The following AP3B2 variants were observed in gnomAD, a reference collection of about 807,000 sequenced individuals.
The protein encoded by AP3B2 is AP-3 complex subunit beta-2.
In AP3B2, 50 loss-of-function variants were observed where a neutral mutation model predicts 126.9. That is an observed-to-expected ratio of 0.39 (90% CI 0.31 to 0.50). The LOEUF (loss-of-function observed/expected upper bound fraction) is 0.50. Among genes scored for constraint, AP3B2 ranks in the 20% least tolerant of loss-of-function variants. AP3B2 has a pLI of 0.79. For missense variants in AP3B2, 1,177 were observed against 1,426.4 expected (o/e 0.83, Z 2.82); for synonymous variants, 541 against 565.0 (o/e 0.96, Z 0.60).
intron 23 of AP3B2, 77 bp from the exon 24 acceptor site, chr15:82,662,329 A>G: frequency 1.8e-6 from 2 of 1,123,934 alleles, no homozygotes; most frequent in Admixed American, 2.0e-5. Flanking sequence ...GCCTAGCCCT[A>G]CTCTCCTCTC....
At chr15:82,703,132 G>A (rs2048744954) in intron 1 of AP3B2, among the ~76,000 whole-genome samples, 1 of 152,174 alleles carries the variant, frequency 6.6e-6, no homozygotes, top group African/African-American at 2.4e-5. Context: ...TTCCCTTGGT[G>A]TTTAATCACT....
intron 1 of AP3B2, among the ~76,000 whole-genome samples, 178 bp downstream of exon 1, chr15:82,709,416 G>A (rs952928641): frequency 2.0e-5 from 3 of 151,234 alleles, no homozygotes; most frequent in African/African-American, 7.3e-5. Flanking sequence ...GAGCCGGGGT[G>A]CCAGCGCTGC....
intron 1 of AP3B2, among the ~76,000 whole-genome samples, chr15:82,696,082 A>G (rs2048625139): frequency 6.6e-6 from 1 of 151,978 alleles, no homozygotes; most frequent in African/African-American, 2.4e-5. Flanking sequence ...CCTATATCCA[A>G]ATTTCCTCTT....
chr15:82,696,706 C>T (rs1328428846), intron 1 of AP3B2, among the ~76,000 whole-genome samples: 1 of 152,238 alleles, frequency 6.6e-6, no homozygotes, highest in Admixed American at 6.5e-5. Context: ...AGCTGTTGCT[C>T]CCCATTCTGT....
At chr15:82,663,048 C>G (rs569646880) in intron 22 of AP3B2, 79 bp downstream of exon 22, 3 of 1,484,082 alleles carry the variant, frequency 2.0e-6, no homozygotes, top group Non-Finnish European at 1.8e-6. Context: ...CACCCACCCC[C>G]CACACACATC....
chr15:82,709,743 CG>C lies in AP3B2; in HGVS notation c.-38del. 7.0e-7 allele frequency: 1 copy of C among 1,428,424 alleles called. No individual in the cohort carries two copies. The highest frequency in any genetic ancestry group is 1.3e-5 in the South Asian group (1 of 74,456). The allele number at this position is 1,428,424 out of a possible 1,614,324, so 88.5% of individuals were successfully genotyped here. A position where few individuals can be genotyped will look rare whatever the true frequency, so the allele number is the denominator to read the frequency against. Reference sequence around the variant, plus strand: ...GGAGACTTCGCCGAGGAGGAGGTTGCGGGGCCGGAGGCCGGCTGGAGCGGAG... The same window carrying C: ...GGAGACTTCGCCGAGGAGGAGGTTGCGGGCCGGAGGCCGGCTGGAGCGGAG... On this transcript the variant is annotated 5_prime_UTR_variant, in exon 1 of 27. Coordinates refer to ENST00000535359, the MANE Select transcript of AP3B2 (RefSeq NM_001278512.2).
Position 82,681,669 on chromosome 15 carries a change from C to A in AP3B2, c.361-89G>T, listed in dbSNP as rs989850135. On this transcript the variant is annotated intron_variant, in intron 4 of 26. Coordinates refer to ENST00000535359, the MANE Select transcript of AP3B2 (RefSeq NM_001278512.2). This position sits in a 1 kb window ranked among gnomAD's most constrained non-coding sequence, Gnocchi z 4.0. ...CACCTTTGGAAGTCACTGTCCCCAGCGACCACTAGCTCTTGCTTCCCTGCC... is the reference window on the plus strand; with the variant it reads ...CACCTTTGGAAGTCACTGTCCCCAGAGACCACTAGCTCTTGCTTCCCTGCC... 1.4e-6 allele frequency: 2 copies of A among 1,389,462 alleles called. No homozygotes were observed. Among genetic ancestry groups the A allele is most frequent in the Admixed American group, 2.1e-5 (1 of 48,070 alleles). The allele number at this position is 1,389,462 out of a possible 1,614,324, so 86.1% of individuals were successfully genotyped here.
Position 82,664,049 on chromosome 15 carries a change from G to T in AP3B2, c.2262-74C>A, listed in dbSNP as rs1415462149. The T allele has an allele frequency of 1.3e-6, 2 of 1,517,316 alleles. No homozygotes were observed. The highest frequency in any genetic ancestry group is 1.8e-6 in the Non-Finnish European group (2 of 1,135,542). The allele number at this position is 1,517,316 out of a possible 1,614,324, so 94.0% of individuals were successfully genotyped here. A position where few individuals can be genotyped will look rare whatever the true frequency, so the allele number is the denominator to read the frequency against. On this transcript the variant is annotated intron_variant, in intron 19 of 26. Coordinates refer to ENST00000535359, the MANE Select transcript of AP3B2 (RefSeq NM_001278512.2). The surrounding 1 kb of genome is among the most constrained non-coding windows in gnomAD (Gnocchi z 4.5). ...CTTGCTTCACAGAAGCAGGAGAAATGCTGAAAAGCTGGAGTGGTGTGGGGA... is the reference window on the plus strand; with the variant it reads ...CTTGCTTCACAGAAGCAGGAGAAATTCTGAAAAGCTGGAGTGGTGTGGGGA...
At chr15:82,679,861 G>C in intron 9 of AP3B2, 61 bp from the exon 10 acceptor site, 1 of 1,472,206 alleles carries the variant, frequency 6.8e-7, no homozygotes, top group Non-Finnish European at 9.5e-7. Context: ...TCGCTGCCCA[G>C]AGACACCCCT....
chr15:82,667,538 G>A (rs1196383183), intron 14 of AP3B2, among the ~76,000 whole-genome samples: 2 of 152,204 alleles, frequency 1.3e-5, no homozygotes, highest in African/African-American at 2.4e-5. Flanking sequence ...GTCATGTAGG[G>A]TTCACAGTCT....
chr15:82,705,516 T>C (rs1596200743), intron 1 of AP3B2, among the ~76,000 whole-genome samples: 1 of 152,164 alleles, frequency 6.6e-6, no homozygotes, highest in South Asian at 2.1e-4. Context: ...ACATGCTTTC[T>C]TTACTATTCA....
Position 82,662,182 on chromosome 15 carries a change from G to A in AP3B2, c.2904C>T (p.Ala968=), listed in dbSNP as rs1373410579. 23 of 1,601,308 alleles carry A rather than the reference G, an allele frequency of 1.4e-5. No individual in the cohort carries two copies. The highest frequency in any genetic ancestry group is 2.0e-5 in the Non-Finnish European group (23 of 1,173,812). Reference sequence around the variant, plus strand: ...TGGGCACATACCACAGCTGGAAGTTGGCTGCCTGGGTTGAGTCACAGAAAT... The same window carrying A: ...TGGGCACATACCACAGCTGGAAGTTAGCTGCCTGGGTTGAGTCACAGAAAT... ...GINFCDSTQA[A]NFQLCTQTRQ... The change falls in exon 24 of 27, where the codon GCC becomes GCT. Residue 968 remains alanine, a synonymous_variant. Coordinates refer to ENST00000535359, the MANE Select transcript of AP3B2 (RefSeq NM_001278512.2).
At chr15:82,675,236 C>G (rs1444073575) in intron 14 of AP3B2, among the ~76,000 whole-genome samples, 1 of 152,236 alleles carries the variant, frequency 6.6e-6, no homozygotes, top group African/African-American at 2.4e-5. Context: ...CAGTGTCTCT[C>G]CTCCTTCCAC....
In AP3B2 at chr15:82,663,900, A is replaced by G; in HGVS notation, c.2337T>C (p.Ser779=). 1 of 1,613,368 alleles carries G rather than the reference A, an allele frequency of 6.2e-7. No homozygotes were observed. The highest frequency in any genetic ancestry group is 1.3e-5 in the African/African-American group (1 of 75,056). ...VPERKGEASS[S]DEGSDSSSSS... is the part of the protein sequence containing the mutation. ...TACTGCTGGAATCGCTGCCCTCATC[A>G]GAGGATGACGCTTCTCCTTTTCTCT... is the stretch of plus-strand genomic sequence containing the variant. Residue 779 remains serine, a synonymous_variant, in exon 20 of 27, where the codon TCT becomes TCC. Coordinates refer to ENST00000535359, the MANE Select transcript of AP3B2 (RefSeq NM_001278512.2).
intron 15 of AP3B2, among the ~76,000 whole-genome samples, chr15:82,666,458 G>C (rs557135229): frequency 6.6e-6 from 1 of 152,226 alleles, no homozygotes. Flanking sequence ...CCAAAGCCTA[G>C]TGTCTGCTCA....
chr15:82,683,854 TCTC>T (rs1383081734), intron 4 of AP3B2, among the ~76,000 whole-genome samples: 2 of 152,196 alleles, frequency 1.3e-5, no homozygotes, highest in African/African-American at 4.8e-5. Flanking sequence ...AAATCATTAA[TCTC>T]CTTGTACCTC....
intron 4 of AP3B2, among the ~76,000 whole-genome samples, chr15:82,682,060 T>TG: frequency 7.1e-6 from 1 of 139,952 alleles, no homozygotes; most frequent in East Asian, 2.1e-4. Context: ...TTTTTTTTTT[T>TG]TTTTTTTTTT....
intron 1 of AP3B2, among the ~76,000 whole-genome samples, chr15:82,706,578 G>T (rs995805475): frequency 3.3e-5 from 5 of 151,972 alleles, no homozygotes; most frequent in African/African-American, 1.2e-4. Context: ...TCCAACTTCT[G>T]TCCCTCATGG....
intron 14 of AP3B2, among the ~76,000 whole-genome samples, chr15:82,667,826 C>T (rs777336237): frequency 3.9e-5 from 6 of 152,160 alleles, no homozygotes; most frequent in Non-Finnish European, 8.8e-5. Context: ...GCACCTAGGC[C>T]TGCATCTGCT....
Sources: allele counts gnomAD v4.1 joint callset (sites outside exome capture counted in the v4.1 genomes callset), GRCh38; gene constraint gnomAD v4.1.1; non-coding constraint Gnocchi (gnomAD v3.1); transcripts MANE v1.5; gene names NCBI Gene and HGNC (gene_info 2026-07-23, HGNC 2026-07-21).